Variants in PKNOX2 observed in about 807,000 individuals in gnomAD.
PKNOX2 encodes PBX/knotted 1 homeobox 2.
PKNOX2 carries 14 observed loss-of-function variants against 53.1 expected under a neutral mutation model. The ratio of observed to expected loss-of-function variants is 0.26; its 90% CI spans 0.17 to 0.41. The LOEUF (loss-of-function observed/expected upper bound fraction) is 0.41. PKNOX2 is among the 10% of genes least tolerant of loss of function. The pLI is 1.00. For missense variants in PKNOX2, 496 were observed against 602.8 expected (o/e 0.82, Z 1.85); for synonymous variants, 257 against 242.8 (o/e 1.06, Z -0.54).
At chr11:125,376,252 C>T (rs886261317) in intron 5 of PKNOX2, among the ~76,000 whole-genome samples, 5 of 152,162 alleles carry the variant, frequency 3.3e-5, no homozygotes, top group South Asian at 2.1e-4. Flanking sequence ...TTTAGCAACT[C>T]GAAGAAGTCC....
chr11:125,355,393 C>T (rs917085145), intron 4 of PKNOX2, among the ~76,000 whole-genome samples: 2 of 152,140 alleles, frequency 1.3e-5, no homozygotes, highest in Non-Finnish European at 1.5e-5. Context: ...AGAGTAGCAG[C>T]GCCCTCTACT....
At chr11:125,267,107 C>T (rs549095215) in intron 2 of PKNOX2, among the ~76,000 whole-genome samples, 1 of 152,234 alleles carries the variant, frequency 6.6e-6, no homozygotes, top group South Asian at 2.1e-4. Flanking sequence ...TGATCGGTAT[C>T]TCCATTTGGC....
At chr11:125,215,452 T>C (rs1419393284) in intron 1 of PKNOX2, among the ~76,000 whole-genome samples, 1 of 151,966 alleles carries the variant, frequency 6.6e-6, no homozygotes, top group Non-Finnish European at 1.5e-5. Context: ...AGGCCCAGGA[T>C]ATAAACTGCT....
intron 1 of PKNOX2, among the ~76,000 whole-genome samples, chr11:125,174,821 G>A (rs558992653): frequency 1.4e-4 from 22 of 152,082 alleles, no homozygotes; most frequent in Non-Finnish European, 2.2e-4. Flanking sequence ...CCCAAATAGC[G>A]GTGGTGGAAG....
intron 11 of PKNOX2, 89 bp downstream of exon 11, chr11:125,429,177 T>C: frequency 8.1e-7 from 1 of 1,233,572 alleles, no homozygotes; most frequent in South Asian, 1.3e-5. Flanking sequence ...GAGACTCGAA[T>C]GCCAGGATCT....
At chr11:125,180,689 G>C (rs1207911670) in intron 1 of PKNOX2, among the ~76,000 whole-genome samples, 2 of 152,202 alleles carry the variant, frequency 1.3e-5, no homozygotes, top group Non-Finnish European at 2.9e-5. Context: ...TGGGGAAAAA[G>C]GGGGTTTGCT....
intron 2 of PKNOX2, among the ~76,000 whole-genome samples, chr11:125,270,736 G>A (rs1945731405): frequency 6.6e-6 from 1 of 152,222 alleles, no homozygotes; most frequent in African/African-American, 2.4e-5. Context: ...TTGGCACCCA[G>A]GCCCCAGCCC....
At chr11:125,167,544 G>C (rs1954981900) in intron 1 of PKNOX2, among the ~76,000 whole-genome samples, 1 of 152,202 alleles carries the variant, frequency 6.6e-6, no homozygotes, top group Non-Finnish European at 1.5e-5. Flanking sequence ...GAGAAAGAGA[G>C]GCTGCTCAGA....
At chr11:125,190,792 C>T (rs7940009) in intron 1 of PKNOX2, among the ~76,000 whole-genome samples, 2,057 of 152,282 alleles carry the variant, frequency 0.014, 42 homozygotes, top group African/African-American at 0.046. Flanking sequence ...AAATACAGCG[C>T]TCTGTGACCA....
chr11:125,349,742 T>C (rs1762972295), intron 3 of PKNOX2, among the ~76,000 whole-genome samples: 1 of 152,094 alleles, frequency 6.6e-6, no homozygotes, highest in African/African-American at 2.4e-5. Context: ...TTTCCAGTGC[T>C]TTTTGCAGAA....
At chr11:125,206,235 G>A (rs1226725241) in intron 1 of PKNOX2, among the ~76,000 whole-genome samples, 1 of 152,016 alleles carries the variant, frequency 6.6e-6, no homozygotes, top group Non-Finnish European at 1.5e-5. Context: ...AGGGCTGTGG[G>A]CACACTGGAG....
chr11:125,209,125 A>G (rs1470798892), intron 1 of PKNOX2, among the ~76,000 whole-genome samples: 1 of 152,148 alleles, frequency 6.6e-6, no homozygotes, highest in African/African-American at 2.4e-5. Context: ...CTTTAAATCC[A>G]TCTTATGAAT....
chr11:125,372,028 A>T (rs757217233), intron 5 of PKNOX2, among the ~76,000 whole-genome samples: 1 of 152,206 alleles, frequency 6.6e-6, no homozygotes, highest in Non-Finnish European at 1.5e-5. Flanking sequence ...TGTCTTGCTC[A>T]TTGCTTTATC....
chr11:125,392,425 C>G (rs553962589), intron 6 of PKNOX2, among the ~76,000 whole-genome samples: 2 of 152,330 alleles, frequency 1.3e-5, no homozygotes, highest in East Asian at 3.9e-4. Flanking sequence ...TAATATTGAA[C>G]AGGTCCTACA....
intron 2 of PKNOX2, among the ~76,000 whole-genome samples, chr11:125,278,509 G>A (rs1484295009): frequency 6.6e-6 from 1 of 152,176 alleles, no homozygotes; most frequent in Non-Finnish European, 1.5e-5. Flanking sequence ...TGATGGCTCA[G>A]GCGAATGGGA....
At position 125,431,515 on chromosome 11, in the gene PKNOX2, A is replaced by C; in HGVS notation, c.*123A>C. ...AGGGAGTTGGGCCCTAGCTTCCCCA[A>C]ATCAGTAGCTTGAAGAAAGGCAAAG... On this transcript the variant is annotated 3_prime_UTR_variant, in exon 13 of 13. Transcript: ENST00000298282. 3 of 1,152,556 alleles carry C rather than the reference A, an allele frequency of 2.6e-6. No homozygotes were observed. Among genetic ancestry groups the C allele is most frequent in the Non-Finnish European group, 1.2e-6 (1 of 833,836 alleles). The allele number at this position is 1,152,556 out of a possible 1,614,324, so 71.4% of individuals were successfully genotyped here. A position where few individuals can be genotyped will look rare whatever the true frequency, so the allele number is the denominator to read the frequency against.
At chr11:125,293,302 T>C (rs997446223) in intron 2 of PKNOX2, among the ~76,000 whole-genome samples, 5 of 152,320 alleles carry the variant, frequency 3.3e-5, no homozygotes, top group Admixed American at 3.3e-4. Flanking sequence ...GTAATTTTTT[T>C]AGGTAAACCC....
intron 1 of PKNOX2, among the ~76,000 whole-genome samples, chr11:125,206,658 C>G (rs139041245): frequency 2.0e-5 from 3 of 152,196 alleles, no homozygotes; most frequent in Non-Finnish European, 4.4e-5. Context: ...CTTGGTGCCT[C>G]AATTTCCTAA....
chr11:125,426,327 C>T (rs1230802514), intron 10 of PKNOX2, among the ~76,000 whole-genome samples: 1 of 152,196 alleles, frequency 6.6e-6, no homozygotes, highest in Non-Finnish European at 1.5e-5. Flanking sequence ...TCTTTTGTCA[C>T]CAGAGGGGTA....
Sources: allele counts gnomAD v4.1 joint callset (sites outside exome capture counted in the v4.1 genomes callset), GRCh38; gene constraint gnomAD v4.1.1; transcripts MANE v1.5; gene names NCBI Gene and HGNC (gene_info 2026-07-23, HGNC 2026-07-21).